The following NSL1 variants were observed in gnomAD, a reference collection of about 807,000 sequenced individuals.
NSL1 encodes NSL1 component of MIS12 kinetochore complex, also known as kinetochore-associated protein NSL1 homolog.
Under a neutral mutation model 25.4 loss-of-function variants are expected in NSL1, and 11 were observed. That is an observed-to-expected ratio of 0.43 (90% CI 0.27 to 0.72). The LOEUF (loss-of-function observed/expected upper bound fraction) is 0.72, where lower values mean the gene tolerates loss of function less well. NSL1 is among the 30% of genes least tolerant of loss of function. The pLI is 0.19. For missense variants in NSL1, 330 were observed against 342.7 expected (o/e 0.96, Z 0.29); for synonymous variants, 118 against 120.6 (o/e 0.98, Z 0.14).
rs1659535511 is a variant in NSL1, at chr1:212,760,935, C to T, written c.500-21334G>A. 6.6e-6 allele frequency among the ~76,000 whole-genome samples: 1 copy of T among 152,246 alleles called. No individual in the cohort carries two copies. The highest frequency in any genetic ancestry group is 1.5e-5 in the Non-Finnish European group (1 of 68,042). ...ATCCCAAGTAAAGACCTATCATACC[C>T]TCTAGTACCAACCATAGCGTAAGTC... On this transcript the variant is annotated intron_variant, in intron 4 of 5. Transcript: ENST00000366977. The surrounding 1 kb of genome is among the most constrained non-coding windows in gnomAD (Gnocchi z 4.3).
In NSL1 at chr1:212,738,358, C is replaced by T. The variant is rs1411346356; in HGVS notation, c.*50G>A. 5.1e-6 allele frequency: 8 copies of T among 1,560,856 alleles called. No individual in the cohort carries two copies. The highest frequency in any genetic ancestry group is 1.2e-5 in the South Asian group (1 of 81,068). Reference sequence around the variant, plus strand: ...ATCTAGGTATTAATTAGGCTGTAATCTAAATGTTGATGGTGCCTATTTTCA... The same window carrying T: ...ATCTAGGTATTAATTAGGCTGTAATTTAAATGTTGATGGTGCCTATTTTCA... On this transcript the variant is annotated 3_prime_UTR_variant, in exon 6 of 6. Transcript: ENST00000366977.
At chr1:212,752,668 G>C (rs1386371000) in intron 4 of NSL1, among the ~76,000 whole-genome samples, 1 of 152,186 alleles carries the variant, frequency 6.6e-6, no homozygotes, top group Non-Finnish European at 1.5e-5. Context: ...TCAGTAGATT[G>C]CTATAAGGAT....
intron 4 of NSL1, among the ~76,000 whole-genome samples, chr1:212,775,753 C>A (rs1328627989): frequency 6.6e-6 from 1 of 151,592 alleles, no homozygotes; most frequent in African/African-American, 2.4e-5. Context: ...AAACAACTTA[C>A]AAAATTTGGG....
chr1:212,736,983 T>C lies in NSL1; in HGVS notation c.*1425A>G, dbSNP rs956745250. On this transcript the variant is annotated 3_prime_UTR_variant, in exon 6 of 6. Transcript: ENST00000366977. ...GGGACCTCTGAAGTGAAACAAATCA[T>C]ACAGAATTTTAATACTATAAAAACA... 8 of 984,406 alleles carry C rather than the reference T, an allele frequency of 8.1e-6. No individual in the cohort carries two copies. The highest frequency in any genetic ancestry group is 1.7e-5 in the African/African-American group (1 of 57,324). The allele number at this position is 984,406 out of a possible 1,614,324, so 61.0% of individuals were successfully genotyped here. A position where few individuals can be genotyped will look rare whatever the true frequency, so the allele number is the denominator to read the frequency against.
intron 4 of NSL1, among the ~76,000 whole-genome samples, chr1:212,757,713 G>A (rs1659380746): frequency 1.3e-5 from 2 of 152,142 alleles, no homozygotes; most frequent in South Asian, 2.1e-4. Context: ...ACCAAGCCAC[G>A]GATGAGGGAT....
Position 212,737,304 on chromosome 1 carries a change from T to C in NSL1, c.*1104A>G. 1.0e-6 allele frequency: 1 copy of C among 985,250 alleles called. No individual in the cohort carries two copies. The highest frequency in any genetic ancestry group is 4.7e-5 in the South Asian group (1 of 21,286). The allele number at this position is 985,250 out of a possible 1,614,324, so 61.0% of individuals were successfully genotyped here. On this transcript the variant is annotated 3_prime_UTR_variant, in exon 6 of 6. Transcript: ENST00000366977. ...CTGAGACAGACCTTCTGGTGACTTC[T>C]GGTGAATCTAGACATTTATGATTAT...
rs1350710979 is a variant in NSL1 at position 212,731,176 on chromosome 1, T to C, written c.*7232A>G. The C allele has an allele frequency of 7.4e-6, 7 of 942,886 alleles. No individual in the cohort carries two copies. The highest frequency in any genetic ancestry group is 8.6e-6 in the Non-Finnish European group (7 of 810,302). 58.4% of individuals were successfully genotyped at this position (942,886 alleles called of 1,614,324 possible). A position where few individuals can be genotyped will look rare whatever the true frequency, so the allele number is the denominator to read the frequency against. On this transcript the variant is annotated 3_prime_UTR_variant, in exon 6 of 6. Coordinates refer to ENST00000366977, the MANE Select transcript of NSL1 (RefSeq NM_015471.4). ...TATAATCTATTTGCAAAACAAATGG[T>C]CAGAGGGGAGAAAAAAAAAAAAACC...
At chr1:212,739,805 A>G (rs1658420760) in intron 4 of NSL1, among the ~76,000 whole-genome samples, 1 of 152,232 alleles carries the variant, frequency 6.6e-6, no homozygotes, top group African/African-American at 2.4e-5. Context: ...ATGGTACACA[A>G]AATTCTATTA....
chr1:212,742,038 C>T lies in NSL1; in HGVS notation c.500-2437G>A, dbSNP rs926674182. On this transcript the variant is annotated intron_variant, in intron 4 of 5. Transcript: ENST00000366977. Reference sequence around the variant, plus strand: ...ATAAATTTCTCAACCCTATCAGACCCGACCCAACACCACCCCCCACTTCAG... The same window carrying T: ...ATAAATTTCTCAACCCTATCAGACCTGACCCAACACCACCCCCCACTTCAG... 2.0e-5 allele frequency among the ~76,000 whole-genome samples: 3 copies of T among 152,076 alleles called. No individual in the cohort carries two copies. In the East Asian group the frequency reaches 5.8e-4, roughly 29 times the overall value.
chr1:212,762,924 C>T (rs1033364520), intron 4 of NSL1, among the ~76,000 whole-genome samples: 1 of 152,080 alleles, frequency 6.6e-6, no homozygotes, highest in Non-Finnish European at 1.5e-5. Context: ...ATGAATTTTG[C>T]GATATAATCT....
At chr1:212,739,718 C>G (rs545884943) in intron 4 of NSL1, 117 bp from the exon 5 acceptor site, 7 of 830,918 alleles carry the variant, frequency 8.4e-6, no homozygotes, top group Non-Finnish European at 1.3e-5. Flanking sequence ...TCTGCTAGGA[C>G]GATTCACCTC....
chr1:212,789,441 A>T (rs1228846026), intron 1 of NSL1, among the ~76,000 whole-genome samples: 2 of 151,818 alleles, frequency 1.3e-5, no homozygotes, highest in Non-Finnish European at 2.9e-5. Flanking sequence ...GGAACTCCTG[A>T]CCTCAGGTGA....
intron 4 of NSL1, among the ~76,000 whole-genome samples, chr1:212,743,707 A>G (rs1229964349): frequency 6.6e-6 from 1 of 152,170 alleles, no homozygotes. Context: ...ATCTGTCACA[A>G]TCAACTTTAT....
At chr1:212,785,459 T>C (rs1195210121) in intron 2 of NSL1, among the ~76,000 whole-genome samples, 3 of 152,126 alleles carry the variant, frequency 2.0e-5, no homozygotes, top group African/African-American at 7.2e-5. Context: ...TCATTTACAT[T>C]AGATATATCT....
chr1:212,729,828 G>A lies in NSL1; in HGVS notation c.*8580C>T. On this transcript the variant is annotated 3_prime_UTR_variant, in exon 6 of 6. Coordinates refer to ENST00000366977, the MANE Select transcript of NSL1 (RefSeq NM_015471.4). ...GGAAAAAGCAATGTAATCAGCTGGTGCTGCAAAGGGCAGTGATGTGTGGAC... is the reference window on the plus strand; with the variant it reads ...GGAAAAAGCAATGTAATCAGCTGGTACTGCAAAGGGCAGTGATGTGTGGAC... 1.0e-6 allele frequency: 1 copy of A among 985,388 alleles called. No homozygotes were observed. The highest frequency in any genetic ancestry group is 1.2e-6 in the Non-Finnish European group (1 of 829,938). The allele number at this position is 985,388 out of a possible 1,614,324, so 61.0% of individuals were successfully genotyped here.
intron 4 of NSL1, among the ~76,000 whole-genome samples, chr1:212,757,633 C>T (rs1322136077): frequency 1.3e-5 from 2 of 151,996 alleles, no homozygotes; most frequent in African/African-American, 4.8e-5. Flanking sequence ...GGGGAGGTGC[C>T]ACAGTCTTTA....
rs577717162 is a variant in NSL1 at position 212,764,460 on chromosome 1, A to G, written c.499+17912T>C. Reference sequence around the variant, plus strand: ...AAATTGAAACAAACAAAAAAACAAAAAATACAAAAGATAAATGAAACAAAA... The same window carrying G: ...AAATTGAAACAAACAAAAAAACAAAGAATACAAAAGATAAATGAAACAAAA... On this transcript the variant is annotated intron_variant, in intron 4 of 5. Transcript: ENST00000366977. 2.6e-5 allele frequency among the ~76,000 whole-genome samples: 4 copies of G among 152,358 alleles called. No individual in the cohort carries two copies. The South Asian group carries it at 8.3e-4, about 32-fold the overall frequency.
At position 212,729,454 on chromosome 1, in the gene NSL1, A is replaced by G; in HGVS notation, c.*8954T>C. 6.1e-6 allele frequency: 6 copies of G among 985,380 alleles called. No individual in the cohort carries two copies. The highest frequency in any genetic ancestry group is 7.2e-6 in the Non-Finnish European group (6 of 829,914). The allele number at this position is 985,380 out of a possible 1,614,324, so 61.0% of individuals were successfully genotyped here. A position where few individuals can be genotyped will look rare whatever the true frequency, so the allele number is the denominator to read the frequency against. ...GTGTGGCTACGAAAAATCATTTTACAATATTGTCTGGCACATGGCTGGGAA... is the reference window on the plus strand; with the variant it reads ...GTGTGGCTACGAAAAATCATTTTACGATATTGTCTGGCACATGGCTGGGAA... On this transcript the variant is annotated 3_prime_UTR_variant, in exon 6 of 6. Transcript: ENST00000366977.
rs186037525 is a variant in NSL1 at position 212,775,828 on chromosome 1, T to G, written c.499+6544A>C. On this transcript the variant is annotated intron_variant, in intron 4 of 5. Coordinates refer to ENST00000366977, the MANE Select transcript of NSL1 (RefSeq NM_015471.4). ...AAAAGTAGTAACCATAAATTGGTGGTTTTTTTTTGTTTTTTTTGAGACGGA... is the reference window on the plus strand; with the variant it reads ...AAAAGTAGTAACCATAAATTGGTGGGTTTTTTTTGTTTTTTTTGAGACGGA... Among the ~76,000 whole-genome samples the G allele has an allele frequency of 8.0e-3, 1,163 of 144,842 alleles. 10 individuals are homozygous for G. Among genetic ancestry groups the G allele is most frequent in the African/African-American group, 0.021 (866 of 40,802 alleles).
Sources: allele counts gnomAD v4.1 joint callset (sites outside exome capture counted in the v4.1 genomes callset), GRCh38; gene constraint gnomAD v4.1.1; non-coding constraint Gnocchi (gnomAD v3.1); transcripts MANE v1.5; gene names NCBI Gene and HGNC (gene_info 2026-07-23, HGNC 2026-07-21).